The following NXPE2 variants were observed in gnomAD, a reference collection of about 807,000 sequenced individuals.
The protein encoded by NXPE2 is NXPE family member 2.
Under a neutral mutation model 34.4 loss-of-function variants are expected in NXPE2, and 34 were observed. The observed-to-expected ratio is 0.99, with a 90% CI of 0.75 to 1.31. NXPE2 has a LOEUF of 1.31. Ranked by LOEUF, NXPE2 falls within the 40% of genes most tolerant of loss-of-function variation. NXPE2 has a pLI of 0.00. For synonymous variants in NXPE2, 235 were observed against 231.3 expected (o/e 1.02, Z -0.15); for missense variants, 649 against 672.5 (o/e 0.97, Z 0.39).
chr11:114,586,327 A>G, the NXPE2 span, among the ~76,000 whole-genome samples: 1 of 152,180 alleles, frequency 6.6e-6, no homozygotes, highest in Non-Finnish European at 1.5e-5. Context: ...CAGATGAAAA[A>G]TGCCATTTCA....
the NXPE2 span, among the ~76,000 whole-genome samples, chr11:114,537,814 C>T: frequency 6.6e-6 from 1 of 151,988 alleles, no homozygotes; most frequent in African/African-American, 2.4e-5. Context: ...ATTCCATGCT[C>T]ATGGGTAGGA....
chr11:114,608,808 C>T, the NXPE2 span, among the ~76,000 whole-genome samples: 1 of 151,842 alleles, frequency 6.6e-6, no homozygotes, highest in African/African-American at 2.4e-5. Flanking sequence ...TAAGTGTTGC[C>T]TCGTGGGTAA....
chr11:114,680,061 T>C (rs2135530381), intron 2 of NXPE2, among the ~76,000 whole-genome samples: 1 of 152,270 alleles, frequency 6.6e-6, no homozygotes, highest in Non-Finnish European at 1.5e-5. Flanking sequence ...CCTCCTCCCT[T>C]GGCCTCTGAG....
chr11:114,684,194 G>A (rs562973024), intron 2 of NXPE2, among the ~76,000 whole-genome samples: 104 of 152,222 alleles, frequency 6.8e-4, no homozygotes, highest in African/African-American at 1.3e-3. Context: ...TTGGGAGGCC[G>A]AGGCGGGCAG....
At chr11:114,719,650 C>A in the NXPE2 span, among the ~76,000 whole-genome samples, 2 of 152,252 alleles carry the variant, frequency 1.3e-5, no homozygotes, top group Admixed American at 1.3e-4. Flanking sequence ...TCTGCAGAAG[C>A]AGCTGTCGCC....
At chr11:114,736,964 C>CCT in the NXPE2 span, among the ~76,000 whole-genome samples, 1 of 152,042 alleles carries the variant, frequency 6.6e-6, no homozygotes, top group Non-Finnish European at 1.5e-5. Context: ...CTTATTCTCT[C>CCT]CTCTCTCTCT....
At chr11:114,470,582 CGTGTGT>C in the NXPE2 span, among the ~76,000 whole-genome samples, 4,306 of 144,870 alleles carry the variant, frequency 0.03, 178 homozygotes, top group African/African-American at 0.089. Flanking sequence ...AAAGAATTGA[CGTGTGT>C]GTGTGTGTGT....
chr11:114,497,042 A>G, the NXPE2 span, among the ~76,000 whole-genome samples: 3 of 152,126 alleles, frequency 2.0e-5, no homozygotes, highest in Non-Finnish European at 4.4e-5. Flanking sequence ...TTTTCTACTT[A>G]TTAAAACAGC....
the NXPE2 span, among the ~76,000 whole-genome samples, chr11:114,533,810 A>G: frequency 1.3e-5 from 2 of 152,228 alleles, no homozygotes; most frequent in Non-Finnish European, 2.9e-5. Context: ...GGTGGAGCCC[A>G]CCACAGCTCA....
At chr11:114,533,174 A>G in the NXPE2 span, among the ~76,000 whole-genome samples, 2 of 152,182 alleles carry the variant, frequency 1.3e-5, no homozygotes, top group Non-Finnish European at 2.9e-5. Context: ...TTTATTTTTT[A>G]TAGATGTTGT....
At chr11:114,671,450 C>G in the NXPE2 span, among the ~76,000 whole-genome samples, 1 of 151,656 alleles carries the variant, frequency 6.6e-6, no homozygotes, top group Non-Finnish European at 1.5e-5. Flanking sequence ...TAATAAAGTA[C>G]AAGTACAATA....
the NXPE2 span, among the ~76,000 whole-genome samples, chr11:114,632,684 ATAAATTTATATATT>A: frequency 1.7e-5 from 1 of 58,406 alleles, no homozygotes; most frequent in Non-Finnish European, 2.7e-5. Flanking sequence ...ATTTATATAT[ATAAATTTATATATT>A]TATATAATAT....
chr11:114,675,043 G>A (rs1010209285), upstream of NXPE2, among the ~76,000 whole-genome samples: 11 of 151,570 alleles, frequency 7.3e-5, no homozygotes, highest in African/African-American at 2.7e-4. Context: ...CAGAATGCAG[G>A]ATAAAAATCA....
the NXPE2 span, among the ~76,000 whole-genome samples, chr11:114,772,459 C>T: frequency 3.3e-5 from 5 of 152,100 alleles, no homozygotes; most frequent in Admixed American, 1.3e-4. Flanking sequence ...TGATAGGCAA[C>T]GTTTTCAATA....
the NXPE2 span, among the ~76,000 whole-genome samples, chr11:114,489,541 G>C: frequency 3.9e-5 from 6 of 152,152 alleles, no homozygotes; most frequent in African/African-American, 1.2e-4. Flanking sequence ...TGGGATGCAA[G>C]GCTGGTTCAA....
the NXPE2 span, among the ~76,000 whole-genome samples, chr11:114,765,814 G>T: frequency 6.6e-6 from 1 of 152,134 alleles, no homozygotes; most frequent in East Asian, 1.9e-4. Flanking sequence ...GATTCTCCAA[G>T]GACTTTTCTT....
chr11:114,548,546 A>C, the NXPE2 span, among the ~76,000 whole-genome samples: 1 of 152,074 alleles, frequency 6.6e-6, no homozygotes, highest in African/African-American at 2.4e-5. Flanking sequence ...AGAAGTTAAA[A>C]ATGTTTCTAA....
At chr11:114,717,677 C>T in the NXPE2 span, among the ~76,000 whole-genome samples, 8 of 152,328 alleles carry the variant, frequency 5.3e-5, no homozygotes, top group African/African-American at 1.9e-4. Context: ...AGAGCAGGTA[C>T]TGGTGAATAC....
the NXPE2 span, among the ~76,000 whole-genome samples, chr11:114,632,923 AATT>A: frequency 1.1e-5 from 1 of 90,854 alleles, no homozygotes; most frequent in African/African-American, 4.6e-5. Context: ...TATTTTATAT[AATT>A]ATATAATAAT....
Sources: allele counts gnomAD v4.1 joint callset (sites outside exome capture counted in the v4.1 genomes callset), GRCh38; gene constraint gnomAD v4.1.1; transcripts MANE v1.5; gene names NCBI Gene and HGNC (gene_info 2026-07-23, HGNC 2026-07-21).